SCN9A: variants seen among roughly 807,000 people sequenced by gnomAD.
The protein encoded by SCN9A is sodium voltage-gated channel alpha subunit 9, also known as sodium channel protein type 9 subunit alpha.
In SCN9A, 131 loss-of-function variants were observed where a neutral mutation model predicts 187.0. That is an observed-to-expected ratio of 0.70 (90% confidence interval 0.61 to 0.81). SCN9A has a LOEUF of 0.81. Ranked by LOEUF, SCN9A falls within the 30% of genes least tolerant of loss-of-function variation. The pLI, the probability that SCN9A is intolerant of heterozygous loss-of-function variation, is 0.00. For synonymous variants in SCN9A, 809 were observed against 808.6 expected (o/e 1.00, Z -0.01); for missense variants, 2,252 against 2,396.6 (o/e 0.94, Z 1.26).
At chr2:166,207,267 G>A (rs750290355) in intron 24 of SCN9A, among the ~76,000 whole-genome samples, 5 of 152,004 alleles carry the variant, frequency 3.3e-5, no homozygotes. Context: ...CCTGGTTATG[G>A]TTTCCCTTTA....
chr2:166,292,377 T>C (rs1488039580), intron 9 of SCN9A, among the ~76,000 whole-genome samples: 1 of 152,118 alleles, frequency 6.6e-6, no homozygotes, highest in Admixed American at 6.6e-5. Flanking sequence ...TTATTTGTGT[T>C]TCTTTAATTT....
intron 1 of SCN9A, among the ~76,000 whole-genome samples, chr2:166,323,331 A>G (rs1159340292): frequency 6.6e-6 from 1 of 152,180 alleles, no homozygotes; most frequent in Admixed American, 6.5e-5. Context: ...GGCTCTGAAC[A>G]TACTATTTGG....
chr2:166,373,195 T>C (rs1700605594), intron 1 of SCN9A, among the ~76,000 whole-genome samples: 1 of 152,056 alleles, frequency 6.6e-6, no homozygotes, highest in South Asian at 2.1e-4. Context: ...TCTGGTGAGG[T>C]TGGAGAGAAG....
In SCN9A at chr2:166,294,634, T is replaced by A. The variant is rs1175006517; in HGVS notation, c.930A>T (p.Lys310Asn). Residue 310 changes from lysine to asparagine, a missense_variant, in exon 8 of 27, where the codon AAA (lysine) becomes AAT (asparagine). This residue lies in a region of SCN9A where 1,013 missense variants were observed against 997.4 expected (regional missense o/e 1.02). Transcript: ENST00000642356. ...TGCTGAAACCACAAAGGAGAGCATC[T>A]TTGGATCCTTCCAAGTAATAAAAAT... ...RKYFYYLEGS[K>N]DALLCGFSTD... 1 of 1,610,658 alleles carries A rather than the reference T, an allele frequency of 6.2e-7. No individual in the cohort carries two copies. Among genetic ancestry groups the A allele is most frequent in the Admixed American group, 1.7e-5 (1 of 59,874 alleles).
At chr2:166,363,151 A>C in intron 1 of SCN9A, among the ~76,000 whole-genome samples, 1 of 151,150 alleles carries the variant, frequency 6.6e-6, no homozygotes, top group East Asian at 2.0e-4. Flanking sequence ...AGTGAAAAAT[A>C]AGTGACTTTA....
chr2:166,325,509 T>A (rs1699340756), intron 1 of SCN9A, among the ~76,000 whole-genome samples: 1 of 152,108 alleles, frequency 6.6e-6, no homozygotes, highest in Admixed American at 6.6e-5. Context: ...CTAATTATAC[T>A]TGAGAGTCAT....
chr2:166,201,347 G>A lies in SCN9A; in HGVS notation c.4775-1483C>T, dbSNP rs192580686. ...ATAGTATATGTATACTATATAGTATGTATATATAGCATATAGTATGCGTAT... is the reference window on the plus strand; with the variant it reads ...ATAGTATATGTATACTATATAGTATATATATATAGCATATAGTATGCGTAT... On this transcript the variant is annotated intron_variant, in intron 26 of 26. Transcript: ENST00000642356. Among the ~76,000 whole-genome samples, 444 of 147,416 alleles carry A rather than the reference G, an allele frequency of 3.0e-3. 10 individuals are homozygous for A. The highest frequency in any genetic ancestry group is 0.027 in the Admixed American group (390 of 14,660).
chr2:166,372,707 G>A (rs996276136), intron 1 of SCN9A, among the ~76,000 whole-genome samples: 1 of 152,006 alleles, frequency 6.6e-6, no homozygotes, highest in Admixed American at 6.6e-5. Context: ...AATACTAAAT[G>A]CTTGACAAAT....
At chr2:166,221,042 G>A (rs1694563216) in intron 24 of SCN9A, among the ~76,000 whole-genome samples, 1 of 151,902 alleles carries the variant, frequency 6.6e-6, no homozygotes, top group Admixed American at 6.6e-5. Flanking sequence ...GAGAAAATTA[G>A]GAAAGAAATC....
chr2:166,198,742 TTGTC>T lies in SCN9A; in HGVS notation c.5893_5896del (p.Asp1965LysfsTer42). ...TGTTCTGTCTTGTTCATATTTCTCT[TTGTC>T]TGGCTTTGTTACACTATCATATGAA... On this transcript the variant is annotated frameshift_variant, in exon 27 of 27. Coordinates refer to ENST00000642356, the MANE Select transcript of SCN9A (RefSeq NM_001365536.1). LOFTEE classifies it high-confidence loss of function. The T allele has an allele frequency of 3.7e-6, 6 of 1,613,506 alleles. No individual in the cohort carries two copies. Among genetic ancestry groups the T allele is most frequent in the Non-Finnish European group, 5.1e-6 (6 of 1,179,644 alleles).
intron 17 of SCN9A, among the ~76,000 whole-genome samples, chr2:166,261,341 C>A (rs1232385160): frequency 6.6e-6 from 1 of 151,832 alleles, no homozygotes; most frequent in African/African-American, 2.4e-5. Context: ...ACTGTTCTTG[C>A]CAATAAGACA....
chr2:166,243,691 A>C (rs903875558), intron 18 of SCN9A, among the ~76,000 whole-genome samples: 1 of 151,960 alleles, frequency 6.6e-6, no homozygotes, highest in Non-Finnish European at 1.5e-5. Flanking sequence ...TGAGCTTAGA[A>C]AAATTGGTCA....
intron 1 of SCN9A, among the ~76,000 whole-genome samples, chr2:166,334,767 TA>T (rs1387244246): frequency 6.6e-6 from 1 of 152,164 alleles, no homozygotes; most frequent in South Asian, 2.1e-4. Flanking sequence ...CCTATAGCAC[TA>T]GAAAATTTAC....
At chr2:166,200,413 T>C (rs1259972276) in intron 26 of SCN9A, among the ~76,000 whole-genome samples, 2 of 152,142 alleles carry the variant, frequency 1.3e-5, no homozygotes, top group African/African-American at 4.8e-5. Context: ...TCATGGGCCA[T>C]TTTTTCCCTC....
chr2:166,360,050 C>T (rs771049218), intron 1 of SCN9A, among the ~76,000 whole-genome samples: 3 of 150,850 alleles, frequency 2.0e-5, no homozygotes, highest in Admixed American at 1.3e-4. Flanking sequence ...GGAGAAACCC[C>T]GTCTCTACTA....
chr2:166,306,240 T>TA lies in SCN9A; in HGVS notation c.467+269dup, dbSNP rs1398373725. Reference sequence around the variant, plus strand: ...AATACACCCATATAATTATAAAACATACACCCAAGAATAAAATATGTGTAA... The same window carrying TA: ...AATACACCCATATAATTATAAAACATAACACCCAAGAATAAAATATGTGTAA... On this transcript the variant is annotated intron_variant, in intron 4 of 26. Transcript: ENST00000642356. 3.3e-5 allele frequency among the ~76,000 whole-genome samples: 5 copies of TA among 152,106 alleles called. No individual in the cohort carries two copies. The East Asian group carries it at 9.6e-4, about 29-fold the overall frequency.
At chr2:166,355,268 C>A (rs1432604018) in intron 1 of SCN9A, among the ~76,000 whole-genome samples, 1 of 151,902 alleles carries the variant, frequency 6.6e-6, no homozygotes, top group Non-Finnish European at 1.5e-5. Context: ...TACATACTGA[C>A]AAAATGTTTC....
At chr2:166,290,506 T>C (rs1316165189) in intron 9 of SCN9A, among the ~76,000 whole-genome samples, 1 of 152,164 alleles carries the variant, frequency 6.6e-6, no homozygotes, top group Non-Finnish European at 1.5e-5. Context: ...GTCTTCAAAA[T>C]TGTTGAACTA....
chr2:166,370,223 A>C (rs79417925), intron 1 of SCN9A, among the ~76,000 whole-genome samples: 44,791 of 119,794 alleles, frequency 0.37, 7,642 homozygotes, highest in Admixed American at 0.47. Flanking sequence ...TAATAATAAT[A>C]ATAATAATAA....
Sources: gnomAD v4.1 joint callset for allele counts (sites outside exome capture counted in the v4.1 genomes callset) on GRCh38, gnomAD v4.1.1 for gene constraint, gnomAD v4.1.1 regional missense constraint, MANE v1.5 for transcripts, NCBI Gene and HGNC (gene_info 2026-07-23, HGNC 2026-07-21) for gene names.